The following STX18 variants were observed in gnomAD, a reference collection of about 807,000 sequenced individuals.
STX18 encodes the protein syntaxin-18.
In STX18, 40 loss-of-function variants were observed where a neutral mutation model predicts 50.1. The ratio of observed to expected loss-of-function variants is 0.80; its 90% CI spans 0.62 to 1.04. STX18 has a LOEUF of 1.04. STX18 is among the 50% of genes least tolerant of loss of function. STX18 has a pLI of 0.00. For missense variants in STX18, 410 were observed against 415.8 expected, an observed-to-expected ratio of 0.99 and a Z score of 0.12; for synonymous variants, 158 against 151.8, an observed-to-expected ratio of 1.04 and a Z score of -0.30.
chr4:4,509,441 T>C (rs1729891773), intron 1 of STX18, among the ~76,000 whole-genome samples: 1 of 152,142 alleles, frequency 6.6e-6, no homozygotes, highest in Non-Finnish European at 1.5e-5. Context: ...AAGTTCCTTG[T>C]GGACTCTGGA....
intron 7 of STX18, chr4:4,425,616 C>T (rs3935096): frequency 0.11 from 22,210 of 201,606 alleles, 1,734 homozygotes; most frequent in African/African-American, 0.24. Context: ...AAGGACTATA[C>T]ATATTTTTTA....
At chr4:4,460,570 T>C (rs894220676) in intron 2 of STX18, among the ~76,000 whole-genome samples, 8 of 152,292 alleles carry the variant, frequency 5.3e-5, no homozygotes, top group African/African-American at 1.9e-4. Flanking sequence ...CTCTCCTCCC[T>C]TGGAGTCACC....
In STX18 at chr4:4,476,714, CG is replaced by C. The variant is rs1728192429; in HGVS notation, c.169-5009del. Among the ~76,000 whole-genome samples the C allele has an allele frequency of 2.0e-5, 3 of 152,016 alleles. No individual in the cohort carries two copies. The South Asian group carries it at 6.2e-4, about 32-fold the overall frequency. ...TTTTAGAATCCTTATATTTTATACA[CG>C]GAACAACTTACAAGTAAAATTATAC... On this transcript the variant is annotated intron_variant, in intron 1 of 10. Coordinates refer to ENST00000306200, the MANE Select transcript of STX18 (RefSeq NM_016930.4).
At chr4:4,438,101 C>T (rs966544007) in intron 6 of STX18, among the ~76,000 whole-genome samples, 51 of 152,200 alleles carry the variant, frequency 3.4e-4, no homozygotes, top group African/African-American at 1.1e-3. Context: ...CTCCTGAGGC[C>T]GGCACACAGG....
At chr4:4,491,407 T>C (rs1728935390) in intron 1 of STX18, among the ~76,000 whole-genome samples, 1 of 152,132 alleles carries the variant, frequency 6.6e-6, no homozygotes, top group African/African-American at 2.4e-5. Flanking sequence ...ACCATAATAC[T>C]AACGTAGGAA....
At chr4:4,450,080 C>T (rs939381924) in intron 5 of STX18, among the ~76,000 whole-genome samples, 1 of 152,206 alleles carries the variant, frequency 6.6e-6, no homozygotes, top group African/African-American at 2.4e-5. Flanking sequence ...ACGCTTATTG[C>T]TATTACAGTG....
At chr4:4,471,737 T>G in intron 1 of STX18, 31 bp from the exon 2 acceptor site, 2 of 1,445,344 alleles carry the variant, frequency 1.4e-6, no homozygotes, top group South Asian at 2.6e-5. Context: ...CAACAGTTTA[T>G]ATAGATATGT....
intron 1 of STX18, among the ~76,000 whole-genome samples, chr4:4,490,741 C>T (rs1728904962): frequency 1.3e-5 from 2 of 152,080 alleles, no homozygotes; most frequent in Admixed American, 1.3e-4. Flanking sequence ...CACATTTAAC[C>T]TTTATTTTAA....
chr4:4,507,635 C>T (rs1729780717), intron 1 of STX18: 3 of 771,426 alleles, frequency 3.9e-6, no homozygotes, highest in African/African-American at 1.7e-5. Context: ...AGAGAATTCA[C>T]GTGAACTGGA....
chr4:4,423,541 A>G lies in STX18; in HGVS notation c.808T>C (p.Phe270Leu), dbSNP rs1281316602. Residue 270 changes from phenylalanine to leucine, a missense_variant, in exon 9 of 11, where the codon TTC (phenylalanine) becomes CTC (leucine). Coordinates refer to ENST00000306200, the MANE Select transcript of STX18 (RefSeq NM_016930.4). ...VVEISRLQEI[F>L]TEKVLQQEAE... ...ACCTGTTGCAAAACCTTTTCCGTGAATATCTCTTGGAGTCTGGAAATCTCA... is the reference window on the plus strand; with the variant it reads ...ACCTGTTGCAAAACCTTTTCCGTGAGTATCTCTTGGAGTCTGGAAATCTCA... The G allele has an allele frequency of 1.1e-5, 17 of 1,614,242 alleles. No homozygotes were observed. Among genetic ancestry groups the G allele is most frequent in the South Asian group, 9.9e-5 (9 of 91,086 alleles).
intron 5 of STX18, chr4:4,453,706 T>C (rs2108811110): frequency 1.0e-6 from 1 of 977,422 alleles, no homozygotes; most frequent in Non-Finnish European, 1.2e-6. Flanking sequence ...TGATATATAA[T>C]ATCATAGTAC....
At chr4:4,509,798 A>G (rs1018097054) in intron 1 of STX18, among the ~76,000 whole-genome samples, 3 of 152,086 alleles carry the variant, frequency 2.0e-5, no homozygotes, top group African/African-American at 4.8e-5. Context: ...AAGATGACAT[A>G]TAAGAAAATG....
Position 4,471,663 on chromosome 4 carries a change from C to A in STX18, c.212G>T (p.Arg71Met). 1 of 1,581,444 alleles carries A rather than the reference C, an allele frequency of 6.3e-7. No individual in the cohort carries two copies. Among genetic ancestry groups the A allele is most frequent in the Non-Finnish European group, 8.5e-7 (1 of 1,171,390 alleles). ...GKLRDFLLEH[R>M]KDYINAYSHT... is the part of the protein sequence containing the mutation. The stretch of plus-strand genomic sequence containing the variant: ...CCTATAAGCATTAATATAATCTTTC[C>A]TGTGTTCCAGAAGAAAATCTCTCAG... Residue 71 changes from arginine to methionine, a missense_variant, in exon 2 of 11, where the codon AGG becomes ATG. Transcript: ENST00000306200.
chr4:4,534,736 A>C (rs543262350), intron 1 of STX18, among the ~76,000 whole-genome samples: 1 of 152,392 alleles, frequency 6.6e-6, no homozygotes, highest in African/African-American at 2.4e-5. Context: ...AAGAGTTGGC[A>C]AACTTTTTCT....
chr4:4,483,219 T>C (rs1179168853), intron 1 of STX18, among the ~76,000 whole-genome samples: 2 of 152,132 alleles, frequency 1.3e-5, no homozygotes, highest in Non-Finnish European at 2.9e-5. Flanking sequence ...CTTTCTAATA[T>C]TAAGCCCCTA....
At chr4:4,445,607 G>A (rs1726353382) in intron 5 of STX18, among the ~76,000 whole-genome samples, 1 of 151,236 alleles carries the variant, frequency 6.6e-6, no homozygotes, top group African/African-American at 2.4e-5. Context: ...AAAAAATCCA[G>A]GAATAAATCT....
chr4:4,528,489 T>C (rs1017275877), intron 1 of STX18, among the ~76,000 whole-genome samples: 2 of 152,220 alleles, frequency 1.3e-5, no homozygotes, highest in Admixed American at 1.3e-4. Flanking sequence ...CTGCCATGAT[T>C]GTGAGCTTCC....
In STX18 at chr4:4,419,405, C is replaced by T. The variant is rs1026969674; in HGVS notation, c.*629G>A. On this transcript the variant is annotated 3_prime_UTR_variant, in exon 11 of 11. Transcript: ENST00000306200. ...GGCCCCAGTCTCCCCTGCATTTCTT[C>T]CCTGATTGATTGATAGGAGGTGGCT... The T allele has an allele frequency of 7.9e-5, 12 of 152,246 alleles. No individual in the cohort carries two copies. Among genetic ancestry groups the T allele is most frequent in the Admixed American group, 5.2e-4 (8 of 15,284 alleles). 9.4% of individuals were successfully genotyped at this position (152,246 alleles called of 1,614,324 possible). A position where few individuals can be genotyped will look rare whatever the true frequency, so the allele number is the denominator to read the frequency against.
intron 1 of STX18, among the ~76,000 whole-genome samples, chr4:4,531,086 C>A (rs1203020407): frequency 6.6e-6 from 1 of 151,982 alleles, no homozygotes; most frequent in Non-Finnish European, 1.5e-5. Context: ...CCAATTACCG[C>A]CAATCACTGA....
Sources: allele counts gnomAD v4.1 joint callset (sites outside exome capture counted in the v4.1 genomes callset), GRCh38; gene constraint gnomAD v4.1.1; transcripts MANE v1.5; gene names NCBI Gene and HGNC (gene_info 2026-07-23, HGNC 2026-07-21).